ANO10: variants seen among roughly 807,000 people sequenced by gnomAD.
ANO10 encodes the protein anoctamin-10.
ANO10 carries 77 observed loss-of-function variants against 74.7 expected under a neutral mutation model. That is an observed-to-expected ratio of 1.03 (90% CI 0.86 to 1.25). ANO10 has a LOEUF of 1.25. ANO10 is among the 50% of genes most tolerant of loss of function. The pLI, the probability that ANO10 is intolerant of heterozygous loss-of-function variation, is 0.00. For synonymous variants in ANO10, 279 were observed against 284.9 expected (o/e 0.98, Z 0.21); for missense variants, 721 against 778.1 (o/e 0.93, Z 0.87).
chr3:43,592,832 A>G (rs2081863235), intron 4 of ANO10, among the ~76,000 whole-genome samples: 1 of 152,236 alleles, frequency 6.6e-6, no homozygotes, highest in Non-Finnish European at 1.5e-5. Flanking sequence ...GTTGGAACCC[A>G]TCGCAAACAA....
intron 10 of ANO10, among the ~76,000 whole-genome samples, chr3:43,551,807 AACCT>A (rs1240558059): frequency 1.3e-5 from 2 of 152,084 alleles, no homozygotes; most frequent in Non-Finnish European, 2.9e-5. Context: ...TTTTACTTTA[AACCT>A]ACCTAAATCA....
At chr3:43,547,809 C>A (rs566787143) in intron 11 of ANO10, among the ~76,000 whole-genome samples, 2 of 152,178 alleles carry the variant, frequency 1.3e-5, no homozygotes, top group African/African-American at 4.8e-5. Flanking sequence ...TCACTAAATA[C>A]AAAAGAAAGC....
chr3:43,382,291 G>A lies in ANO10; in HGVS notation c.1915-15317C>T, dbSNP rs538101791. On this transcript the variant is annotated intron_variant, in intron 12 of 12. Coordinates refer to ENST00000292246, the MANE Select transcript of ANO10 (RefSeq NM_018075.5). ...TCCCAGCACTTTGGGAGGCCGAGGCGGGCGGATCACGAGGTCAGGAGATCG... is the reference window on the plus strand; with the variant it reads ...TCCCAGCACTTTGGGAGGCCGAGGCAGGCGGATCACGAGGTCAGGAGATCG... Among the ~76,000 whole-genome samples the A allele has an allele frequency of 5.2e-3, 794 of 151,870 alleles. 23 individuals are homozygous for A. Among genetic ancestry groups the A allele is most frequent in the Admixed American group, 0.041 (627 of 15,242 alleles).
At chr3:43,571,429 C>A (rs1189758236) in intron 7 of ANO10, among the ~76,000 whole-genome samples, 3 of 151,264 alleles carry the variant, frequency 2.0e-5, no homozygotes, top group Admixed American at 6.6e-5. Flanking sequence ...AGACTTGGAA[C>A]CAACCCAAAT....
intron 12 of ANO10, among the ~76,000 whole-genome samples, chr3:43,430,972 T>C (rs887744680): frequency 6.6e-6 from 1 of 152,138 alleles, no homozygotes; most frequent in Non-Finnish European, 1.5e-5. Context: ...TTATTTCTTG[T>C]GAAAAGAAAC....
chr3:43,465,936 A>G (rs2075592269), intron 11 of ANO10, among the ~76,000 whole-genome samples: 1 of 152,242 alleles, frequency 6.6e-6, no homozygotes, highest in African/African-American at 2.4e-5. Flanking sequence ...AATCTAATGA[A>G]ATGCAGTCTC....
At chr3:43,399,657 C>T (rs564079738) in intron 12 of ANO10, among the ~76,000 whole-genome samples, 4 of 152,220 alleles carry the variant, frequency 2.6e-5, no homozygotes, top group Non-Finnish European at 4.4e-5. Context: ...TGAATGGGGG[C>T]GCTCTGTGTA....
intron 4 of ANO10, among the ~76,000 whole-genome samples, chr3:43,585,557 T>A (rs530078744): frequency 2.6e-4 from 39 of 152,266 alleles, no homozygotes; most frequent in African/African-American, 9.1e-4. Flanking sequence ...TGCTCCATTA[T>A]CCCATCTGAT....
chr3:43,427,319 A>T (rs1036360127), intron 12 of ANO10, among the ~76,000 whole-genome samples: 22 of 151,978 alleles, frequency 1.4e-4, no homozygotes, highest in African/African-American at 5.3e-4. Context: ...GGAGCATTTT[A>T]AAAAAAATGT....
At chr3:43,375,075 T>C (rs1207498667) in intron 12 of ANO10, among the ~76,000 whole-genome samples, 3 of 151,392 alleles carry the variant, frequency 2.0e-5, no homozygotes, top group African/African-American at 7.3e-5. Flanking sequence ...GAGCCGAGAT[T>C]GCGCCACTAC....
intron 11 of ANO10, among the ~76,000 whole-genome samples, chr3:43,543,066 G>A (rs2079024683): frequency 6.6e-6 from 1 of 152,138 alleles, no homozygotes; most frequent in African/African-American, 2.4e-5. Context: ...ACCCTAAGAG[G>A]CAGTATAGGG....
intron 1 of ANO10, among the ~76,000 whole-genome samples, chr3:43,667,332 G>A (rs1003459908): frequency 2.6e-5 from 4 of 151,940 alleles, no homozygotes; most frequent in Admixed American, 1.3e-4. Flanking sequence ...CTCATGATAC[G>A]CTCATGTCAG....
At chr3:43,545,109 T>C (rs932721961) in intron 11 of ANO10, among the ~76,000 whole-genome samples, 3 of 152,154 alleles carry the variant, frequency 2.0e-5, no homozygotes, top group Admixed American at 6.5e-5. Context: ...ATTTATAGAC[T>C]ATGGCATTTT....
intron 11 of ANO10, among the ~76,000 whole-genome samples, chr3:43,465,277 C>A (rs1405141793): frequency 6.6e-6 from 1 of 152,108 alleles, no homozygotes; most frequent in Non-Finnish European, 1.5e-5. Context: ...ATAGTGTAAA[C>A]ATCATAGACA....
At chr3:43,529,191 T>A (rs2078344221) in intron 11 of ANO10, among the ~76,000 whole-genome samples, 1 of 152,208 alleles carries the variant, frequency 6.6e-6, no homozygotes. Context: ...ACATCAGAGT[T>A]TGACAGCAAC....
intron 5 of ANO10, among the ~76,000 whole-genome samples, chr3:43,578,862 A>C: frequency 6.6e-6 from 1 of 152,112 alleles, no homozygotes; most frequent in Non-Finnish European, 1.5e-5. Context: ...ACAAAGTTAA[A>C]CAGTTGTTAA....
In ANO10 at chr3:43,595,167, C is replaced by A. The variant is rs1167775721; in HGVS notation, c.472+3365G>T. ...GTCCAGGACCAGACAGATTCACAGC[C>A]GAATTCTACCAGAGGTACAAAGAGG... On this transcript the variant is annotated intron_variant, in intron 4 of 12. Transcript: ENST00000292246. 3.9e-5 allele frequency among the ~76,000 whole-genome samples: 6 copies of A among 152,196 alleles called. No individual in the cohort carries two copies. The East Asian group carries it at 7.7e-4, about 20-fold the overall frequency.
At chr3:43,405,403 T>C (rs925308957) in intron 12 of ANO10, among the ~76,000 whole-genome samples, 3 of 152,252 alleles carry the variant, frequency 2.0e-5, no homozygotes, top group African/African-American at 7.2e-5. Context: ...TGACCATCCA[T>C]GAACTCACTG....
intron 1 of ANO10, chr3:43,691,022 T>A: frequency 6.4e-7 from 1 of 1,563,930 alleles, no homozygotes; most frequent in South Asian, 1.2e-5. Context: ...AGGTGGACTC[T>A]GCCGACACCG....
Sources: allele counts gnomAD v4.1 joint callset (sites outside exome capture counted in the v4.1 genomes callset), GRCh38; gene constraint gnomAD v4.1.1; transcripts MANE v1.5; gene names NCBI Gene and HGNC (gene_info 2026-07-23, HGNC 2026-07-21).